The following CAMK1D variants were observed in gnomAD, a reference collection of about 807,000 sequenced individuals.
CAMK1D encodes the protein calcium/calmodulin-dependent protein kinase type 1D.
A neutral mutation model predicts 47.7 loss-of-function variants in CAMK1D; 9 were observed. That is an observed-to-expected ratio of 0.19 (90% CI 0.11 to 0.33). The LOEUF (loss-of-function observed/expected upper bound fraction) is 0.33, where lower values mean the gene tolerates loss of function less well. CAMK1D is among the 10% of genes least tolerant of loss of function. The probability of loss-of-function intolerance (pLI) is 1.00; values close to 1 mark genes in which losing one functional copy is unlikely to be tolerated. For synonymous variants in CAMK1D, 184 were observed against 184.9 expected, an observed-to-expected ratio of 0.99 and a Z score of 0.04; for missense variants, 291 against 488.7, an observed-to-expected ratio of 0.60 and a Z score of 3.81.
At chr10:12,796,911 G>A (rs1838219159) in intron 6 of CAMK1D, among the ~76,000 whole-genome samples, 1 of 152,204 alleles carries the variant, frequency 6.6e-6, no homozygotes, top group Non-Finnish European at 1.5e-5. Flanking sequence ...AAAAAGACTG[G>A]ACTGTCCACT....
chr10:12,801,354 T>TATCTATCTATCTTATCTATC (rs57429397), intron 6 of CAMK1D, among the ~76,000 whole-genome samples: 243 of 66,470 alleles, frequency 3.7e-3, no homozygotes, highest in South Asian at 5.5e-3. Flanking sequence ...TCTATCTATC[T>TATCTATCTATCTTATCTATC]TATCTATCTA....
At position 12,522,920 on chromosome 10, in the gene CAMK1D, G is replaced by A. The variant is rs1225358054; in HGVS notation, c.93-30305G>A. Among the ~76,000 whole-genome samples the A allele has an allele frequency of 3.1e-5, 3 of 97,382 alleles. 1 individual carries two copies. The highest frequency in any genetic ancestry group is 2.2e-5 in the Non-Finnish European group (1 of 44,554). The allele number at this position is 97,382 out of a possible 152,430, so 63.9% of individuals were successfully genotyped here. On this transcript the variant is annotated intron_variant, in intron 1 of 10. Transcript: ENST00000619168. ...CGGGGCGGCTGGCCGGGCGGGGGCTGACCCCCCACCTGCCTCCCAGACGGG... is the reference window on the plus strand; with the variant it reads ...CGGGGCGGCTGGCCGGGCGGGGGCTAACCCCCCACCTGCCTCCCAGACGGG...
intron 3 of CAMK1D, among the ~76,000 whole-genome samples, chr10:12,733,843 G>A (rs142592779): frequency 2.0e-3 from 299 of 152,162 alleles, no homozygotes; most frequent in Middle Eastern, 0.01. Context: ...TTTCAAAACC[G>A]TACATATCTA....
chr10:12,652,957 A>G (rs986407710), intron 2 of CAMK1D, among the ~76,000 whole-genome samples: 1 of 152,254 alleles, frequency 6.6e-6, no homozygotes, highest in Admixed American at 6.5e-5. Context: ...CGTTTTCTAT[A>G]ACTTATAACA....
chr10:12,520,370 T>G, intron 1 of CAMK1D, among the ~76,000 whole-genome samples: 1 of 89,608 alleles, frequency 1.1e-5, no homozygotes. Context: ...CTAGTTGGGA[T>G]GGCGGCCGGG....
At chr10:12,414,122 A>C (rs1435042523) in intron 1 of CAMK1D, among the ~76,000 whole-genome samples, 1 of 152,240 alleles carries the variant, frequency 6.6e-6, no homozygotes, top group Non-Finnish European at 1.5e-5. Context: ...AAAAATCTGA[A>C]AACCATAATA....
chr10:12,687,735 C>T (rs1467070169), intron 3 of CAMK1D, among the ~76,000 whole-genome samples: 1 of 152,152 alleles, frequency 6.6e-6, no homozygotes, highest in South Asian at 2.1e-4. Flanking sequence ...CTCTCAATTC[C>T]GGAGACAAAT....
intron 3 of CAMK1D, among the ~76,000 whole-genome samples, chr10:12,687,352 T>C (rs1832706544): frequency 6.6e-6 from 1 of 152,102 alleles, no homozygotes; most frequent in South Asian, 2.1e-4. Flanking sequence ...CCCAAAACCA[T>C]GTGCCAGAAA....
In CAMK1D at chr10:12,782,830, G is replaced by A. The variant is rs184193558; in HGVS notation, c.566-8328G>A. ...GCGTAACTCTAGGACACAGTGGCAT[G>A]TGCCCATCAAGACAGGAAACTGAGG... On this transcript the variant is annotated intron_variant, in intron 5 of 10. Coordinates refer to ENST00000619168, the MANE Select transcript of CAMK1D (RefSeq NM_153498.4). Among the ~76,000 whole-genome samples, 9 of 152,284 alleles carry A rather than the reference G, an allele frequency of 5.9e-5. No homozygotes were observed. In the East Asian group the frequency reaches 1.7e-3, roughly 29 times the overall value.
At chr10:12,388,047 A>G (rs1466768770) in intron 1 of CAMK1D, among the ~76,000 whole-genome samples, 1 of 152,068 alleles carries the variant, frequency 6.6e-6, no homozygotes, top group African/African-American at 2.4e-5. Flanking sequence ...CCAGCCAGGC[A>G]TCTTTGCTTG....
At chr10:12,619,347 GT>G (rs1206585121) in intron 2 of CAMK1D, among the ~76,000 whole-genome samples, 1 of 151,938 alleles carries the variant, frequency 6.6e-6, no homozygotes, top group Non-Finnish European at 1.5e-5. Context: ...CTGGAGTGCA[GT>G]GGTACAATCA....
chr10:12,687,432 C>T (rs998819530), intron 3 of CAMK1D, among the ~76,000 whole-genome samples: 1 of 152,128 alleles, frequency 6.6e-6, no homozygotes, highest in African/African-American at 2.4e-5. Context: ...GTTTGATTCC[C>T]GTTACGACTT....
At chr10:12,667,227 A>G (rs180760823) in intron 3 of CAMK1D, among the ~76,000 whole-genome samples, 1 of 152,224 alleles carries the variant, frequency 6.6e-6, no homozygotes, top group Non-Finnish European at 1.5e-5. Context: ...AGGGAAGCAG[A>G]TGGTAACTGT....
chr10:12,675,822 T>G (rs1408502998), intron 3 of CAMK1D, among the ~76,000 whole-genome samples: 1 of 152,204 alleles, frequency 6.6e-6, no homozygotes, highest in African/African-American at 2.4e-5. Context: ...CCACCTTTCT[T>G]TCGTTCAGCT....
chr10:12,817,025 G>C (rs949741322), intron 8 of CAMK1D, among the ~76,000 whole-genome samples: 10 of 152,138 alleles, frequency 6.6e-5, no homozygotes, highest in Non-Finnish European at 1.5e-4. Flanking sequence ...ACATGGATGG[G>C]AGCAGGCAAA....
chr10:12,455,518 C>T (rs1428705275), intron 1 of CAMK1D, among the ~76,000 whole-genome samples: 1 of 152,160 alleles, frequency 6.6e-6, no homozygotes, highest in Non-Finnish European at 1.5e-5. Context: ...TTAGTTTTGC[C>T]TGCTTTTAAA....
chr10:12,549,742 C>T (rs1588622264), intron 1 of CAMK1D, among the ~76,000 whole-genome samples: 5 of 152,206 alleles, frequency 3.3e-5, no homozygotes, highest in South Asian at 4.1e-4. Context: ...CCCCATGGGG[C>T]GCCACATAGC....
chr10:12,409,902 C>T (rs1343318103), intron 1 of CAMK1D, among the ~76,000 whole-genome samples: 1 of 152,196 alleles, frequency 6.6e-6, no homozygotes, highest in East Asian at 1.9e-4. Flanking sequence ...AATCTATTTT[C>T]TGTCTGTAAA....
intron 3 of CAMK1D, among the ~76,000 whole-genome samples, chr10:12,753,668 A>G (rs914317841): frequency 1.1e-4 from 16 of 152,160 alleles, no homozygotes; most frequent in African/African-American, 2.9e-4. Context: ...CAGAGGGGCC[A>G]TCGCTGAACG....
Sources: allele counts gnomAD v4.1 joint callset (sites outside exome capture counted in the v4.1 genomes callset), GRCh38; gene constraint gnomAD v4.1.1; transcripts MANE v1.5; gene names NCBI Gene and HGNC (gene_info 2026-07-23, HGNC 2026-07-21).